BUB1: variants seen among roughly 807,000 people sequenced by gnomAD.
BUB1 encodes BUB1 mitotic checkpoint serine/threonine kinase.
A neutral mutation model predicts 135.2 loss-of-function variants in BUB1; 84 were observed. The observed-to-expected ratio is 0.62, with a 90% CI of 0.52 to 0.74. The LOEUF (loss-of-function observed/expected upper bound fraction) is 0.74. BUB1 is among the 30% of genes least tolerant of loss of function. The pLI, the probability that BUB1 is intolerant of heterozygous loss-of-function variation, is 0.00. For synonymous variants in BUB1, 403 were observed against 434.4 expected (o/e 0.93, Z 0.90); for missense variants, 1,162 against 1,288.3 (o/e 0.90, Z 1.50).
chr2:110,666,083 T>C, intron 9 of BUB1, 180 bp downstream of exon 9: 3 of 511,782 alleles, frequency 5.9e-6, no homozygotes, highest in Non-Finnish European at 9.1e-6. Context: ...CCATTCTGTT[T>C]TGTAACTTTC....
chr2:110,639,046 G>A (rs1689431418), intron 24 of BUB1, among the ~76,000 whole-genome samples: 1 of 151,946 alleles, frequency 6.6e-6, no homozygotes, highest in African/African-American at 2.4e-5. Flanking sequence ...TAAGATGAGT[G>A]TACTTTTCTG....
chr2:110,641,909 C>T (rs950159496), intron 20 of BUB1, 106 bp from the exon 21 acceptor site: 2 of 1,289,212 alleles, frequency 1.6e-6, no homozygotes, highest in African/African-American at 3.0e-5. Context: ...ATAGTGATGA[C>T]AAGCTATGAA....
intron 23 of BUB1, 83 bp downstream of exon 23, chr2:110,640,951 A>G: frequency 1.4e-6 from 2 of 1,430,158 alleles, no homozygotes; most frequent in Non-Finnish European, 1.9e-6. Context: ...ACCTCAAACT[A>G]CCTAGATCCC....
intron 9 of BUB1, among the ~76,000 whole-genome samples, chr2:110,662,895 C>T (rs992659061): frequency 1.3e-5 from 2 of 152,240 alleles, no homozygotes; most frequent in Admixed American, 1.3e-4. Flanking sequence ...CATCCTCATT[C>T]GTCAGCAAAA....
chr2:110,640,868 T>C (rs1478733709), intron 23 of BUB1, among the ~76,000 whole-genome samples, 166 bp downstream of exon 23: 1 of 152,240 alleles, frequency 6.6e-6, no homozygotes, highest in East Asian at 1.9e-4. Flanking sequence ...CAGAGTATTC[T>C]TCAGGAATAG....
Position 110,667,589 on chromosome 2 carries a change from T to G in BUB1, c.737A>C (p.Glu246Ala), listed in dbSNP as rs141402336. The G allele has an allele frequency of 5.1e-5, 82 of 1,613,838 alleles. No individual in the cohort carries two copies. Among genetic ancestry groups the G allele is most frequent in the Non-Finnish European group, 6.6e-5 (78 of 1,179,986 alleles). The change falls in exon 8 of 25, where the codon GAA (glutamate) becomes GCA (alanine). Residue 246 changes from glutamate to alanine, a missense_variant. Transcript: ENST00000302759. ...MYCKEKLIRG[E>A]SEFSFEELRA... is the part of the protein sequence containing the mutation. ...CAATTCTTCAAAGGAAAATTCTGATTCCCCACGAATAAGCTTCTCCTTGCA... is the reference window on the plus strand; with the variant it reads ...CAATTCTTCAAAGGAAAATTCTGATGCCCCACGAATAAGCTTCTCCTTGCA...
rs779946777 is a variant in BUB1, at chr2:110,642,202, CAAG to C, written c.2377_2379del (p.Leu793del). 1 of 1,613,368 alleles carries C rather than the reference CAAG, an allele frequency of 6.2e-7. No individual in the cohort carries two copies. Among genetic ancestry groups the C allele is most frequent in the Non-Finnish European group, 8.5e-7 (1 of 1,179,586 alleles). On this transcript the variant is annotated inframe_deletion, in exon 20 of 25. Transcript: ENST00000302759. Reference sequence around the variant, plus strand: ...TACACCTGGGCAAAGGCTCCTTCTCCAAGAAGGTGATGGACATAGACCAGCTTA... The same window carrying C: ...TACACCTGGGCAAAGGCTCCTTCTCCAAGGTGATGGACATAGACCAGCTTA...
In BUB1 at chr2:110,658,741, C is replaced by A. The variant is rs1307849104; in HGVS notation, c.1278G>T (p.Gly426=). The A allele has an allele frequency of 6.2e-7, 1 of 1,613,860 alleles. No homozygotes were observed. The highest frequency in any genetic ancestry group is 1.7e-5 in the Admixed American group (1 of 59,982). ...TGTTGGCAACCTTATGTGTTTCACA[C>A]CCTAGCAAAGAAATGGAGACAAAAT... is the stretch of plus-strand genomic sequence containing the variant. ...KPQSGAEIKE[G]CETHKVANTS... The change falls in exon 12 of 25, where the codon GGG becomes GGT. Residue 426 remains glycine, a splice_region_variant and synonymous_variant. Coordinates refer to ENST00000302759, the MANE Select transcript of BUB1 (RefSeq NM_004336.5).
At position 110,648,615 on chromosome 2, in the gene BUB1, T is replaced by C. The variant is rs1237124124; in HGVS notation, c.2347+619A>G. On this transcript the variant is annotated intron_variant, in intron 19 of 24. Coordinates refer to ENST00000302759, the MANE Select transcript of BUB1 (RefSeq NM_004336.5). This position sits in a 1 kb window ranked among gnomAD's most constrained non-coding sequence, Gnocchi z 4.2. The stretch of plus-strand genomic sequence containing the variant: ...AATGTACCACACTCATGCAAGATGT[T>C]AGTAACACGAAAATCTGTGTGTGTA... Among the ~76,000 whole-genome samples the C allele has an allele frequency of 2.0e-5, 3 of 152,228 alleles. No individual in the cohort carries two copies. Among genetic ancestry groups the C allele is most frequent in the African/African-American group, 4.8e-5 (2 of 41,450 alleles).
intron 17 of BUB1, among the ~76,000 whole-genome samples, chr2:110,651,012 G>A (rs1482142121): frequency 6.6e-6 from 1 of 152,172 alleles, no homozygotes; most frequent in Non-Finnish European, 1.5e-5. Flanking sequence ...AGATAAATAG[G>A]TGAGGTAATA....
intron 17 of BUB1, among the ~76,000 whole-genome samples, chr2:110,652,055 T>C (rs1310785799): frequency 1.3e-5 from 2 of 150,568 alleles, no homozygotes; most frequent in African/African-American, 4.9e-5. Flanking sequence ...TACATATACA[T>C]CCATACACAC....
intron 17 of BUB1, among the ~76,000 whole-genome samples, chr2:110,652,679 A>G (rs973329646): frequency 4.6e-5 from 7 of 152,310 alleles, no homozygotes; most frequent in Admixed American, 1.3e-4. Flanking sequence ...GACTGCACAT[A>G]TATCTCCACA....
At chr2:110,655,038 A>G (rs1435043400) in intron 16 of BUB1, among the ~76,000 whole-genome samples, 1 of 152,210 alleles carries the variant, frequency 6.6e-6, no homozygotes, top group East Asian at 1.9e-4. Flanking sequence ...TGTGGATACC[A>G]AGAGGACTGT....
At chr2:110,656,345 A>G (rs571991788) in intron 15 of BUB1, among the ~76,000 whole-genome samples, 25 of 152,248 alleles carry the variant, frequency 1.6e-4, no homozygotes, top group African/African-American at 5.5e-4. Flanking sequence ...TCCTCTGTTC[A>G]GGGATCCAAT....
At chr2:110,659,586 T>A (rs1418828467) in intron 11 of BUB1, among the ~76,000 whole-genome samples, 1 of 152,198 alleles carries the variant, frequency 6.6e-6, no homozygotes, top group Non-Finnish European at 1.5e-5. Flanking sequence ...AACCTGTGCA[T>A]CTTATTATTT....
In BUB1 at chr2:110,653,430, C is replaced by T; in HGVS notation, c.1964+6G>A. ...AATGGCAGAACCAAATAAACCCTCA[C>T]AATACCTGAATTTTCCATCCCTTGA... On this transcript the variant is annotated splice_donor_region_variant and intron_variant, in intron 17 of 24. Coordinates refer to ENST00000302759, the MANE Select transcript of BUB1 (RefSeq NM_004336.5). 6.2e-7 allele frequency: 1 copy of T among 1,612,484 alleles called. No homozygotes were observed. The highest frequency in any genetic ancestry group is 8.5e-7 in the Non-Finnish European group (1 of 1,178,678).
chr2:110,675,726 G>T (rs764323008), intron 1 of BUB1, among the ~76,000 whole-genome samples: 2 of 151,806 alleles, frequency 1.3e-5, no homozygotes, highest in Non-Finnish European at 2.9e-5. Context: ...ATCATGGCTC[G>T]CTGTAACCTC....
intron 14 of BUB1, 30 bp from the exon 15 acceptor site, chr2:110,657,147 G>A (rs1559169261): frequency 3.2e-6 from 5 of 1,559,866 alleles, no homozygotes; most frequent in Non-Finnish European, 4.4e-6. Context: ...ATTATAAATA[G>A]TAAAATATGC....
intron 9 of BUB1, among the ~76,000 whole-genome samples, chr2:110,662,165 G>T (rs1690118433): frequency 6.6e-6 from 1 of 152,098 alleles, no homozygotes; most frequent in African/African-American, 2.4e-5. Context: ...TTGGGAAAAG[G>T]TCGACAAATC....
Sources: allele counts gnomAD v4.1 joint callset (sites outside exome capture counted in the v4.1 genomes callset), GRCh38; gene constraint gnomAD v4.1.1; non-coding constraint Gnocchi (gnomAD v3.1); transcripts MANE v1.5; gene names NCBI Gene and HGNC (gene_info 2026-07-23, HGNC 2026-07-21).